CEP135: variants seen among roughly 807,000 people sequenced by gnomAD.
CEP135 encodes the protein centrosomal protein 135.
In CEP135, 142 loss-of-function variants were observed where a neutral mutation model predicts 157.3. The observed-to-expected ratio is 0.90, with a 90% CI of 0.79 to 1.04. The LOEUF (loss-of-function observed/expected upper bound fraction) is 1.04. CEP135 is among the 50% of genes least tolerant of loss of function. The pLI, the probability that CEP135 is intolerant of heterozygous loss-of-function variation, is 0.00. For missense variants in CEP135, 1,317 were observed against 1,309.2 expected (o/e 1.01, Z -0.09); for synonymous variants, 396 against 439.8 (o/e 0.90, Z 1.25).
intron 15 of CEP135, among the ~76,000 whole-genome samples, chr4:55,996,139 A>C (rs993303102): frequency 6.6e-6 from 1 of 152,098 alleles, no homozygotes; most frequent in African/African-American, 2.4e-5. Context: ...TATTTTACTT[A>C]TTTTGAGACA....
chr4:55,985,642 G>A (rs894678863), intron 14 of CEP135, among the ~76,000 whole-genome samples: 4 of 151,932 alleles, frequency 2.6e-5, no homozygotes, highest in African/African-American at 9.7e-5. Context: ...ATTTTTAGTA[G>A]AGACGGGGTT....
intron 25 of CEP135, among the ~76,000 whole-genome samples, chr4:56,027,478 C>G (rs1731194902): frequency 1.3e-5 from 2 of 152,140 alleles, no homozygotes; most frequent in Admixed American, 1.3e-4. Context: ...TCATGTAGCT[C>G]TGGAAAACTC....
chr4:55,999,247 CGT>C (rs1560415875), intron 15 of CEP135, 53 bp from the exon 16 acceptor site: 7 of 1,302,446 alleles, frequency 5.4e-6, no homozygotes. Flanking sequence ...ATTTTTTAAA[CGT>C]ATTTCTATGA....
At chr4:55,982,150 G>A (rs1729433196) in intron 13 of CEP135, among the ~76,000 whole-genome samples, 1 of 152,122 alleles carries the variant, frequency 6.6e-6, no homozygotes, top group Admixed American at 6.5e-5. Context: ...GCAGCCACCT[G>A]TGTCTCTATA....
At chr4:55,952,498 G>A (rs1472020492) in intron 2 of CEP135, 2 of 292,896 alleles carry the variant, frequency 6.8e-6, no homozygotes, top group Admixed American at 9.7e-5. Flanking sequence ...AGTTTTTTGG[G>A]TTTCTGATAT....
At position 56,020,760 on chromosome 4, in the gene CEP135, C is replaced by G; in HGVS notation, c.3300C>G (p.Ile1100Met). The G allele has an allele frequency of 6.2e-7, 1 of 1,613,190 alleles. No homozygotes were observed. Among genetic ancestry groups the G allele is most frequent in the African/African-American group, 1.3e-5 (1 of 75,018 alleles). ...ATTATGATGCTCTGAAAAGGCAGAT[C>G]TCAACTGAAAGATACGAACGGTAAG... is the stretch of plus-strand genomic sequence containing the variant. ...QTDYDALKRQ[I>M]STERYERERA... Residue 1100 changes from isoleucine to methionine, a missense_variant, in exon 24 of 26, where the codon ATC becomes ATG. Coordinates refer to ENST00000257287, the MANE Select transcript of CEP135 (RefSeq NM_025009.5).
Position 55,956,704 on chromosome 4 carries a change from G to A in CEP135, c.473-519G>A, listed in dbSNP as rs148412299. Among the ~76,000 whole-genome samples, 416 of 152,042 alleles carry A rather than the reference G, an allele frequency of 2.7e-3. 5 individuals are homozygous for A. Among genetic ancestry groups the A allele is most frequent in the Middle Eastern group, 0.014 (4 of 294 alleles). ...TGGCCCACCACAACCTCGGCCTCCC[G>A]GGTTCAAGAGATTCTCCTGCCTCAG... On this transcript the variant is annotated intron_variant, in intron 4 of 25. Transcript: ENST00000257287.
intron 11 of CEP135, among the ~76,000 whole-genome samples, chr4:55,978,724 A>G (rs1729304726): frequency 6.6e-6 from 1 of 152,016 alleles, no homozygotes; most frequent in Non-Finnish European, 1.5e-5. Context: ...CTAATTTTTT[A>G]ATTTTTTGCA....
At chr4:56,000,960 A>G (rs1730148674) in intron 17 of CEP135, among the ~76,000 whole-genome samples, 1 of 152,106 alleles carries the variant, frequency 6.6e-6, no homozygotes, top group Non-Finnish European at 1.5e-5. Flanking sequence ...CTGGGGTGAG[A>G]CGATATCTCA....
At chr4:56,019,765 G>A (rs761635797) in intron 23 of CEP135, among the ~76,000 whole-genome samples, 2 of 151,142 alleles carry the variant, frequency 1.3e-5, no homozygotes, top group African/African-American at 4.9e-5. Context: ...GCGAAACCCC[G>A]TCTATACTAA....
At chr4:55,972,452 CT>C (rs1483886732) in intron 10 of CEP135, among the ~76,000 whole-genome samples, 1 of 152,174 alleles carries the variant, frequency 6.6e-6, no homozygotes, top group African/African-American at 2.4e-5. Context: ...GTCTAGTTTT[CT>C]ACGCAGAGGA....
At chr4:56,007,612 T>C (rs1208716137) in intron 17 of CEP135, among the ~76,000 whole-genome samples, 1 of 152,216 alleles carries the variant, frequency 6.6e-6, no homozygotes, top group Non-Finnish European at 1.5e-5. Flanking sequence ...TTCCTGTGTG[T>C]TGAGGCATGG....
At chr4:56,011,707 C>G (rs1311421750) in intron 20 of CEP135, 93 bp from the exon 21 acceptor site, 28 of 1,107,024 alleles carry the variant, frequency 2.5e-5, no homozygotes, top group Non-Finnish European at 3.5e-5. Flanking sequence ...TAAATTAGAA[C>G]AGAATGCTGT....
In CEP135 at chr4:55,969,073, A is replaced by G; in HGVS notation, c.1055A>G (p.Lys352Arg). ...GCTTTTTATTCCTAGAAAGAGATTA[A>G]AAGAAAGCTCTCTGAAATGCAGGAT... ...KELGEAKKEIKRKLSEMQDLE... is the reference protein window; with the variant it reads ...KELGEAKKEIRRKLSEMQDLE... Residue 352 changes from lysine to arginine, a missense_variant, in exon 9 of 26, where the codon AAA becomes AGA. Physicochemically the swap from Lys to Arg is conservative, Grantham distance 26. Coordinates refer to ENST00000257287, the MANE Select transcript of CEP135 (RefSeq NM_025009.5). 6.2e-7 allele frequency: 1 copy of G among 1,612,098 alleles called. No homozygotes were observed. The highest frequency in any genetic ancestry group is 8.5e-7 in the Non-Finnish European group (1 of 1,178,956).
At chr4:56,007,257 A>ATTATACTT (rs1391104367) in intron 17 of CEP135, among the ~76,000 whole-genome samples, 1 of 152,142 alleles carries the variant, frequency 6.6e-6, no homozygotes, top group Middle Eastern at 3.2e-3. Context: ...ATTGAATTTC[A>ATTATACTT]TTATACTTTT....
At position 56,017,806 on chromosome 4, in the gene CEP135, C is replaced by G; in HGVS notation, c.2961C>G (p.Gly987=). 1 of 1,613,468 alleles carries G rather than the reference C, an allele frequency of 6.2e-7. No individual in the cohort carries two copies. The highest frequency in any genetic ancestry group is 8.5e-7 in the Non-Finnish European group (1 of 1,179,960). The change falls in exon 22 of 26, where the codon GGC becomes GGG. Residue 987 remains glycine, a synonymous_variant. Coordinates refer to ENST00000257287, the MANE Select transcript of CEP135 (RefSeq NM_025009.5). ...AACTTTGCATTAAACTTGATTCAGGCAAAGATATTATGACCCAGCAATTGA... is the reference window on the plus strand; with the variant it reads ...AACTTTGCATTAAACTTGATTCAGGGAAAGATATTATGACCCAGCAATTGA... The part of the protein sequence containing the change: ...LRELCIKLDS[G]KDIMTQQLNS...
intron 6 of CEP135, among the ~76,000 whole-genome samples, chr4:55,961,585 A>C (rs2109650725): frequency 6.6e-6 from 1 of 151,784 alleles, no homozygotes; most frequent in Middle Eastern, 3.4e-3. Flanking sequence ...ACCAACATGG[A>C]GAAACCCTAT....
intron 6 of CEP135, among the ~76,000 whole-genome samples, chr4:55,963,481 C>G (rs1728746628): frequency 6.6e-6 from 1 of 152,214 alleles, no homozygotes; most frequent in South Asian, 2.1e-4. Context: ...AGTGGTGGCT[C>G]ACGCCTATAA....
chr4:56,007,034 C>T (rs1287224308), intron 17 of CEP135, among the ~76,000 whole-genome samples: 3 of 152,098 alleles, frequency 2.0e-5, no homozygotes, highest in Non-Finnish European at 4.4e-5. Context: ...GCTGGAATTA[C>T]AGGCACGCAA....
Sources: gnomAD v4.1 joint callset for allele counts (sites outside exome capture counted in the v4.1 genomes callset) on GRCh38, gnomAD v4.1.1 for gene constraint, MANE v1.5 for transcripts, NCBI Gene and HGNC (gene_info 2026-07-23, HGNC 2026-07-21) for gene names.